The following CFAP100 variants were observed in gnomAD, a reference collection of about 807,000 sequenced individuals.
The protein encoded by CFAP100 is cilia and flagella associated protein 100, also known as cilia- and flagella-associated protein 100.
A neutral mutation model predicts 81.5 loss-of-function variants in CFAP100; 70 were observed. The observed-to-expected ratio is 0.86, with a 90% CI of 0.71 to 1.05. CFAP100 has a LOEUF of 1.05. Ranked by LOEUF, CFAP100 falls within the 50% of genes least tolerant of loss-of-function variation. The pLI, the probability that CFAP100 is intolerant of heterozygous loss-of-function variation, is 0.00. For synonymous variants in CFAP100, 341 were observed against 314.8 expected (o/e 1.08, Z -0.88); for missense variants, 811 against 776.5 (o/e 1.04, Z -0.53).
chr3:126,435,538 A>G (rs199654824), intron 15 of CFAP100, 21 bp from the exon 16 acceptor site: 242 of 1,604,456 alleles, frequency 1.5e-4, no homozygotes, highest in Admixed American at 8.9e-4. Flanking sequence ...CCAGTTTTCA[A>G]TGTCATTTCT....
At chr3:126,404,296 C>T (rs1177987259) in intron 2 of CFAP100, among the ~76,000 whole-genome samples, 1 of 152,188 alleles carries the variant, frequency 6.6e-6, no homozygotes, top group African/African-American at 2.4e-5. Context: ...TTTAGAGTTT[C>T]TCCAAGCACG....
intron 2 of CFAP100, among the ~76,000 whole-genome samples, chr3:126,399,824 C>G (rs962461307): frequency 2.6e-5 from 4 of 152,298 alleles, no homozygotes; most frequent in African/African-American, 7.2e-5. Context: ...CCTGGAGCAG[C>G]TGTACCAGCC....
intron 13 of CFAP100, among the ~76,000 whole-genome samples, chr3:126,430,230 C>A (rs1285486029): frequency 7.6e-6 from 1 of 131,832 alleles, no homozygotes; most frequent in Non-Finnish European, 1.7e-5. Context: ...GCCATTATTT[C>A]TTTAAGTTCT....
chr3:126,417,549 G>C (rs891900718), intron 5 of CFAP100, among the ~76,000 whole-genome samples: 1 of 152,168 alleles, frequency 6.6e-6, no homozygotes, highest in Non-Finnish European at 1.5e-5. Flanking sequence ...GGGGAATGGG[G>C]GTTAGACGGG....
At chr3:126,422,337 G>A (rs1576639923) in intron 11 of CFAP100, among the ~76,000 whole-genome samples, 1 of 152,356 alleles carries the variant, frequency 6.6e-6, no homozygotes, top group East Asian at 1.9e-4. Flanking sequence ...TGCTGTAGTT[G>A]TTATCACAGC....
chr3:126,409,533 A>G (rs2083121956), intron 3 of CFAP100, among the ~76,000 whole-genome samples: 1 of 152,232 alleles, frequency 6.6e-6, no homozygotes, highest in African/African-American at 2.4e-5. Context: ...AGTTTTCCAG[A>G]GGGACTGTAC....
intron 11 of CFAP100, chr3:126,420,589 C>T (rs893345213): frequency 3.6e-6 from 1 of 275,578 alleles, no homozygotes; most frequent in Non-Finnish European, 7.0e-6. Context: ...GATGATCTGG[C>T]TGGGGTGTGG....
intron 2 of CFAP100, among the ~76,000 whole-genome samples, chr3:126,396,903 C>A (rs539955031): frequency 5.9e-5 from 9 of 152,292 alleles, no homozygotes; most frequent in African/African-American, 1.9e-4. Flanking sequence ...GCATAGTATT[C>A]CATGGTTCAA....
Position 126,395,995 on chromosome 3 carries a change from G to A in CFAP100, c.-6G>A. ...CCTTGCATCAACCTCTTGGGCCTCA[G>A]CCAAGATGTCTGAGATACCGTCCAC... On this transcript the variant is annotated 5_prime_UTR_variant, in exon 2 of 17. Transcript: ENST00000352312. The A allele has an allele frequency of 6.2e-7, 1 of 1,613,324 alleles. No individual in the cohort carries two copies. Among genetic ancestry groups the A allele is most frequent in the Non-Finnish European group, 8.5e-7 (1 of 1,179,272 alleles).
At chr3:126,398,481 C>T (rs74863912) in intron 2 of CFAP100, among the ~76,000 whole-genome samples, 228 of 152,332 alleles carry the variant, frequency 1.5e-3, no homozygotes, top group African/African-American at 5.1e-3. Context: ...TGTGCATGCG[C>T]GTCAGGCCAG....
intron 11 of CFAP100, chr3:126,420,848 T>C (rs1044969730): frequency 1.3e-5 from 2 of 152,542 alleles, no homozygotes; most frequent in African/African-American, 4.8e-5. Flanking sequence ...TTCATACATA[T>C]CATTTTTTTG....
chr3:126,430,884 T>TTCTTTTTCAAA (rs1290445884), intron 13 of CFAP100, among the ~76,000 whole-genome samples: 17 of 152,308 alleles, frequency 1.1e-4, no homozygotes, highest in Non-Finnish European at 2.1e-4. Flanking sequence ...TTATTTTGAA[T>TTCTTTTTCAAA]TCTTTTTCAG....
chr3:126,399,718 A>G (rs11919855), intron 2 of CFAP100, among the ~76,000 whole-genome samples: 8,790 of 152,104 alleles, frequency 0.058, 325 homozygotes, highest in Non-Finnish European at 0.087. Context: ...ATCAGAAGCA[A>G]CTCTTCTGAA....
chr3:126,423,744 C>T (rs1336872986), intron 13 of CFAP100, 100 bp downstream of exon 13: 12 of 1,428,208 alleles, frequency 8.4e-6, no homozygotes, highest in Admixed American at 7.0e-5. Context: ...CACACCCGTC[C>T]GTGGCCCTGG....
In CFAP100 at chr3:126,398,907, C is replaced by T. The variant is rs140315001; in HGVS notation, c.49+2858C>T. 2.6e-5 allele frequency among the ~76,000 whole-genome samples: 4 copies of T among 152,314 alleles called. No homozygotes were observed. The East Asian group carries it at 7.7e-4, about 29-fold the overall frequency. The stretch of plus-strand genomic sequence containing the variant: ...TGCTCTCTGAGCATTTAGTAGAGTG[C>T]AGCAAACAGCTCTCAACTTCACCGG... On this transcript the variant is annotated intron_variant, in intron 2 of 16. Coordinates refer to ENST00000352312, the MANE Select transcript of CFAP100 (RefSeq NM_182628.3).
intron 2 of CFAP100, among the ~76,000 whole-genome samples, chr3:126,398,195 TG>T (rs990036915): frequency 2.2e-5 from 3 of 138,166 alleles, no homozygotes; most frequent in African/African-American, 7.9e-5. Flanking sequence ...CGGGCAGGGG[TG>T]GGGGCTGCAG....
intron 11 of CFAP100, among the ~76,000 whole-genome samples, chr3:126,422,488 G>GCC (rs35529379): frequency 3.3e-5 from 5 of 152,000 alleles, no homozygotes; most frequent in African/African-American, 1.2e-4. Flanking sequence ...AGCCAGCGCA[G>GCC]CCCCCCCCAC....
At position 126,423,641 on chromosome 3, in the gene CFAP100, G is replaced by C. The variant is rs532611981; in HGVS notation, c.1283G>C (p.Arg428Pro). The C allele has an allele frequency of 5.0e-6, 8 of 1,614,070 alleles. No individual in the cohort carries two copies. In the African/African-American group the frequency reaches 6.7e-5, roughly 13 times the overall value. Residue 428 changes from arginine (R) to proline (P), a missense_variant, in exon 13 of 17, where the codon CGC (arginine) becomes CCC (proline). By Grantham distance (103) the Arg-to-Pro change is moderately radical. Coordinates refer to ENST00000352312, the MANE Select transcript of CFAP100 (RefSeq NM_182628.3). ...LSHTLKHTQI[R>P]MDREVNQLKQ... is the part of the protein sequence containing the mutation. ...CACACCCTGAAACACACCCAGATCC[G>C]CATGTAGGTGCTATGCGGTGGCCAG...
rs2107608464 is a variant in CFAP100, at chr3:126,420,321, A to G, written c.1082+92A>G. ...GTGTAGTCAGGTCTGAGTGCCACAGAAAAGAAAGTGTGTTACTCACAGTCC... is the reference window on the plus strand; with the variant it reads ...GTGTAGTCAGGTCTGAGTGCCACAGGAAAGAAAGTGTGTTACTCACAGTCC... On this transcript the variant is annotated intron_variant, in intron 11 of 16. Coordinates refer to ENST00000352312, the MANE Select transcript of CFAP100 (RefSeq NM_182628.3). The G allele has an allele frequency of 2.6e-6, 4 of 1,515,734 alleles. No homozygotes were observed. The East Asian group carries it at 6.8e-5, about 26-fold the overall frequency. 93.9% of individuals were successfully genotyped at this position (1,515,734 alleles called of 1,614,324 possible).
Sources: gnomAD v4.1 joint callset for allele counts (sites outside exome capture counted in the v4.1 genomes callset) on GRCh38, gnomAD v4.1.1 for gene constraint, MANE v1.5 for transcripts, NCBI Gene and HGNC (gene_info 2026-07-23, HGNC 2026-07-21) for gene names.